The following MCTP2 variants were observed in gnomAD, a reference collection of about 807,000 sequenced individuals.
MCTP2 encodes multiple C2 and transmembrane domain-containing protein 2.
In MCTP2, 132 loss-of-function variants were observed where a neutral mutation model predicts 111.6. That is an observed-to-expected ratio of 1.18 (90% CI 1.03 to 1.37). MCTP2 has a LOEUF of 1.37. Among genes scored for constraint, MCTP2 ranks in the 40% most tolerant of loss-of-function variants. The probability of loss-of-function intolerance (pLI) is 0.00; values close to 1 mark genes in which losing one functional copy is unlikely to be tolerated. For missense variants in MCTP2, 1,183 were observed against 1,067.9 expected, an observed-to-expected ratio of 1.11 and a Z score of -1.50; for synonymous variants, 395 against 387.7, an observed-to-expected ratio of 1.02 and a Z score of -0.22.
At chr15:94,459,229 T>A (rs1382753765) in intron 20 of MCTP2, among the ~76,000 whole-genome samples, 1 of 152,222 alleles carries the variant, frequency 6.6e-6, no homozygotes, top group Non-Finnish European at 1.5e-5. Context: ...CATTCTAGTT[T>A]CTTTAAGAAT....
At chr15:94,259,958 T>G (rs1206922483) in intron 1 of MCTP2, among the ~76,000 whole-genome samples, 5 of 152,222 alleles carry the variant, frequency 3.3e-5, no homozygotes, top group African/African-American at 7.2e-5. Context: ...TAATTGTCCT[T>G]TCCAGATCAT....
intron 10 of MCTP2, among the ~76,000 whole-genome samples, chr15:94,359,504 C>A (rs3743303): frequency 6.6e-6 from 1 of 152,136 alleles, no homozygotes; most frequent in Non-Finnish European, 1.5e-5. Context: ...GAAGCTGGAT[C>A]TTGGGTTCAG....
chr15:94,362,511 G>A (rs16949012), intron 10 of MCTP2, among the ~76,000 whole-genome samples: 20,705 of 152,038 alleles, frequency 0.14, 1,673 homozygotes, highest in African/African-American at 0.19. Context: ...GTTTATTAGC[G>A]GCTCTGAGGC....
intron 14 of MCTP2, among the ~76,000 whole-genome samples, chr15:94,389,814 T>C (rs1372449468): frequency 1.3e-5 from 2 of 151,976 alleles, no homozygotes; most frequent in African/African-American, 4.8e-5. Context: ...GTAACTTGAT[T>C]TACACTTTTA....
intron 1 of MCTP2, among the ~76,000 whole-genome samples, chr15:94,278,566 G>T (rs1567319576): frequency 6.6e-6 from 1 of 152,112 alleles, no homozygotes; most frequent in East Asian, 1.9e-4. Flanking sequence ...GATTTGATTT[G>T]ATTTGATTTT....
chr15:94,307,404 AAG>A (rs1417027967), intron 2 of MCTP2, among the ~76,000 whole-genome samples: 1 of 152,130 alleles, frequency 6.6e-6, no homozygotes, highest in East Asian at 1.9e-4. Context: ...CTTCCAGAAA[AAG>A]AGAACAGCAA....
At chr15:94,381,489 T>C (rs1197452881) in intron 12 of MCTP2, among the ~76,000 whole-genome samples, 1 of 152,210 alleles carries the variant, frequency 6.6e-6, no homozygotes, top group African/African-American at 2.4e-5. Flanking sequence ...GCGTGCTTGC[T>C]TGAGAGAGCG....
chr15:94,389,379 G>C (rs1315916069), intron 14 of MCTP2, among the ~76,000 whole-genome samples: 1 of 152,194 alleles, frequency 6.6e-6, no homozygotes, highest in Non-Finnish European at 1.5e-5. Context: ...GGGAGGTCTC[G>C]GTTACTGTTT....
At chr15:94,247,154 C>T (rs920777454) in intron 1 of MCTP2, among the ~76,000 whole-genome samples, 2 of 152,166 alleles carry the variant, frequency 1.3e-5, no homozygotes, top group South Asian at 2.1e-4. Flanking sequence ...CGTGTGTGTG[C>T]GCGTGAGTGC....
At chr15:94,335,268 C>T (rs867120700) in intron 4 of MCTP2, among the ~76,000 whole-genome samples, 5 of 151,850 alleles carry the variant, frequency 3.3e-5, no homozygotes, top group South Asian at 2.1e-4. Flanking sequence ...CCAGATGAGC[C>T]AAAGGCTTAA....
rs577662537 is a variant in MCTP2 at position 94,259,991 on chromosome 15, A to G, written c.-66+28327A>G. ...CATACATTGGGTAAGGAACCTTCTG[A>G]TCTCTGCCCTGTTCTTAATCTCCTT... On this transcript the variant is annotated intron_variant, in intron 1 of 22. Coordinates refer to ENST00000357742, the MANE Select transcript of MCTP2 (RefSeq NM_001385001.1). 4.6e-5 allele frequency among the ~76,000 whole-genome samples: 7 copies of G among 152,156 alleles called. No individual in the cohort carries two copies. The East Asian group carries it at 1.2e-3, about 25-fold the overall frequency.
In MCTP2 at chr15:94,476,649, T is replaced by TAGATAGACAGACAGACAGAC. The variant is rs756773056; in HGVS notation, c.2471-44_2471-43insTAGACAGACAGACAGACAGA. 3 of 728,634 alleles carry TAGATAGACAGACAGACAGAC rather than the reference T, an allele frequency of 4.1e-6. No homozygotes were observed. The African/African-American group carries it at 6.7e-5, about 16-fold the overall frequency. The allele number at this position is 728,634 out of a possible 1,614,324, so 45.1% of individuals were successfully genotyped here. A position where few individuals can be genotyped will look rare whatever the true frequency, so the allele number is the denominator to read the frequency against. ...ATAGATAGATAGATAGATAGATAGA[T>TAGATAGACAGACAGACAGAC]AGACAGACAGACAGATAAAGAGATC... On this transcript the variant is annotated intron_variant, in intron 21 of 22. Coordinates refer to ENST00000357742, the MANE Select transcript of MCTP2 (RefSeq NM_001385001.1).
chr15:94,433,751 G>A (rs775543849), intron 17 of MCTP2, among the ~76,000 whole-genome samples: 9 of 152,156 alleles, frequency 5.9e-5, no homozygotes, highest in Admixed American at 4.6e-4. Flanking sequence ...CCACATTTTT[G>A]TCAACACTTT....
intron 14 of MCTP2, among the ~76,000 whole-genome samples, chr15:94,391,530 GGA>G (rs1359468282): frequency 1.3e-5 from 2 of 152,300 alleles, no homozygotes; most frequent in Non-Finnish European, 2.9e-5. Context: ...TAGGTGAAAA[GGA>G]GAGAGGGATG....
chr15:94,392,458 A>C (rs982524041), intron 14 of MCTP2, among the ~76,000 whole-genome samples: 9 of 152,152 alleles, frequency 5.9e-5, no homozygotes, highest in African/African-American at 2.2e-4. Context: ...GCATATTAAA[A>C]CAGGGAAAAA....
chr15:94,339,295 A>G lies in MCTP2; in HGVS notation c.643A>G (p.Ser215Gly). 3 of 1,600,614 alleles carry G rather than the reference A, an allele frequency of 1.9e-6. No homozygotes were observed. The South Asian group carries it at 3.3e-5, about 18-fold the overall frequency. ...NLVVRDRCGT[S>G]DPYVKFKLNG... is the part of the protein sequence containing the mutation. ...GTTTTCTTTTCCTTTTAAAGGCACA[A>G]GTGATCCTTATGTGAAATTTAAGCT... The change falls in exon 5 of 23, where the codon AGT becomes GGT. Residue 215 changes from serine to glycine, a missense_variant. By Grantham distance (56) the Ser-to-Gly change is moderately conservative. Transcript: ENST00000357742.
intron 19 of MCTP2, among the ~76,000 whole-genome samples, chr15:94,454,773 T>C (rs1171881106): frequency 2.0e-5 from 3 of 152,074 alleles, no homozygotes; most frequent in Admixed American, 6.6e-5. Flanking sequence ...ATATAAAAGG[T>C]CAAATGTTAT....
At chr15:94,334,471 A>G (rs74028569) in intron 4 of MCTP2, among the ~76,000 whole-genome samples, 9,985 of 152,282 alleles carry the variant, frequency 0.066, 1,082 homozygotes, top group African/African-American at 0.23. Flanking sequence ...TAGGTGGTCC[A>G]AATAATGTTT....
intron 1 of MCTP2, among the ~76,000 whole-genome samples, chr15:94,293,128 CTT>C (rs1403561118): frequency 1.3e-5 from 2 of 151,846 alleles, no homozygotes; most frequent in Non-Finnish European, 2.9e-5. Flanking sequence ...GGGAGAAAAC[CTT>C]TGTTAATTGG....
Sources: allele counts gnomAD v4.1 joint callset (sites outside exome capture counted in the v4.1 genomes callset), GRCh38; gene constraint gnomAD v4.1.1; transcripts MANE v1.5; gene names NCBI Gene and HGNC (gene_info 2026-07-23, HGNC 2026-07-21).